The following SLC12A9 variants were observed in gnomAD, a reference collection of about 807,000 sequenced individuals.
SLC12A9 encodes the protein solute carrier family 12 member 9, also known as CCC-interacting protein 1.
SLC12A9 carries 55 observed loss-of-function variants against 66.0 expected under a neutral mutation model. The ratio of observed to expected loss-of-function variants is 0.83; its 90% CI spans 0.67 to 1.04. SLC12A9 has a LOEUF of 1.04. SLC12A9 is among the 50% of genes least tolerant of loss of function. SLC12A9 has a pLI of 0.00. For missense variants in SLC12A9, 1,061 were observed against 1,241.9 expected, an observed-to-expected ratio of 0.85 and a Z score of 2.19; for synonymous variants, 577 against 569.0, an observed-to-expected ratio of 1.01 and a Z score of -0.20.
chr7:100,840,864 CTT>C (rs905972095), intron 1 of SLC12A9, among the ~76,000 whole-genome samples: 1 of 152,114 alleles, frequency 6.6e-6, no homozygotes, highest in Admixed American at 6.6e-5. Context: ...TCCAATACCA[CTT>C]TGTTGTCAGT....
In SLC12A9 at chr7:100,861,727, C is replaced by T. The variant is rs1368459004; in HGVS notation, c.1537-10C>T. ...CTGCCACTTCCCCACTGCCTCACCC[C>T]TATACCCAGGTGCGTAAGTATCTGC... is the stretch of plus-strand genomic sequence containing the variant. On this transcript the variant is annotated splice_polypyrimidine_tract_variant and intron_variant, in intron 11 of 13. Transcript: ENST00000354161. This position sits in a 1 kb window ranked among gnomAD's most constrained non-coding sequence, Gnocchi z 5.3. The T allele has an allele frequency of 3.7e-5, 59 of 1,614,020 alleles. 2 individuals are homozygous for T. In the South Asian group the frequency reaches 5.7e-4, roughly 16 times the overall value.
intron 3 of SLC12A9, among the ~76,000 whole-genome samples, chr7:100,855,229 C>T (rs545261553): frequency 2.6e-5 from 4 of 152,296 alleles, no homozygotes; most frequent in African/African-American, 9.6e-5. Flanking sequence ...CTCAAGTGAT[C>T]CTCCTATCTC....
chr7:100,836,082 C>G (rs1409351870), intron 1 of SLC12A9, among the ~76,000 whole-genome samples: 5 of 152,188 alleles, frequency 3.3e-5, no homozygotes, highest in African/African-American at 1.2e-4. Context: ...GGATATGAGG[C>G]CAAGCCCCCC....
In SLC12A9 at chr7:100,844,637, GT is replaced by G. The variant is rs558554058; in HGVS notation, n.229-15247del. ...ATTAAAAAAAAATAAAAAGGACCCA[GT>G]CCACCTTCAGAAAGGAAAAAATGGC... On this transcript the variant is annotated intron_variant and non_coding_transcript_variant, in intron 1 of 1. Transcript: ENST00000461016. 2.0e-5 allele frequency among the ~76,000 whole-genome samples: 3 copies of G among 152,192 alleles called. No individual in the cohort carries two copies. The South Asian group carries it at 6.2e-4, about 32-fold the overall frequency.
rs1430158452 is a variant in SLC12A9, at chr7:100,854,688, G to T, written c.250G>T (p.Ala84Ser). 6.2e-7 allele frequency: 1 copy of T among 1,613,996 alleles called. No individual in the cohort carries two copies. The highest frequency in any genetic ancestry group is 8.5e-7 in the Non-Finnish European group (1 of 1,179,986). Residue 84 changes from alanine to serine, a missense_variant, in exon 3 of 14, where the codon GCA (alanine) becomes TCA (serine). By Grantham distance (99) the Ala-to-Ser change is moderately conservative. Transcript: ENST00000354161. Reference sequence around the variant, plus strand: ...GCTGCTGGTTGCCTACTTCATCCTGGCACTCACCGTCCTCTCTGTCTGTGC... The same window carrying T: ...GCTGCTGGTTGCCTACTTCATCCTGTCACTCACCGTCCTCTCTGTCTGTGC... ...AMLLVAYFIL[A>S]LTVLSVCAIA...
intron 1 of SLC12A9, among the ~76,000 whole-genome samples, chr7:100,834,073 A>C (rs1584675868): frequency 6.6e-6 from 1 of 152,068 alleles, no homozygotes; most frequent in East Asian, 1.9e-4. Flanking sequence ...CAGGTGGCTA[A>C]GCGCACAGCC....
intron 6 of SLC12A9, 47 bp downstream of exon 6, chr7:100,858,989 G>A (rs314374): frequency 4.3e-6 from 7 of 1,612,338 alleles, no homozygotes; most frequent in Admixed American, 3.3e-5. Context: ...GGCTGCCACC[G>A]TGAGGGACCC....
In SLC12A9 at chr7:100,856,674, G is replaced by T; in HGVS notation, c.449-194G>T. On this transcript the variant is annotated intron_variant, in intron 4 of 13. Transcript: ENST00000354161. ...ACTACAGGCATGCCTCCCCACACCT[G>T]GCTAATTTTGCAGTTTTTGTGGAGC... The T allele has an allele frequency of 1.7e-6, 1 of 579,614 alleles. No individual in the cohort carries two copies. 35.9% of individuals were successfully genotyped at this position (579,614 alleles called of 1,614,324 possible). A position where few individuals can be genotyped will look rare whatever the true frequency, so the allele number is the denominator to read the frequency against.
chr7:100,839,988 G>T (rs1275577165), intron 1 of SLC12A9, among the ~76,000 whole-genome samples: 1 of 151,252 alleles, frequency 6.6e-6, no homozygotes, highest in African/African-American at 2.4e-5. Context: ...CTGCATTTAA[G>T]TGGAAGCGTG....
intron 1 of SLC12A9, among the ~76,000 whole-genome samples, chr7:100,838,230 G>A (rs1813708812): frequency 6.6e-6 from 1 of 152,096 alleles, no homozygotes; most frequent in Non-Finnish European, 1.5e-5. Context: ...CACACTCCTG[G>A]GCTCAAGTGA....
chr7:100,828,753 C>CTG (rs1813482116), intron 1 of SLC12A9, among the ~76,000 whole-genome samples: 1 of 151,974 alleles, frequency 6.6e-6, no homozygotes, highest in South Asian at 2.1e-4. Context: ...CCTGGGGGCC[C>CTG]TCGGGATGGC....
chr7:100,842,302 A>G (rs367662906), intron 1 of SLC12A9, among the ~76,000 whole-genome samples: 2 of 152,310 alleles, frequency 1.3e-5, no homozygotes, highest in East Asian at 3.9e-4. Flanking sequence ...AGTTATTAAC[A>G]TAACCAAGTC....
rs1192839306 is a variant in SLC12A9 at position 100,854,681 on chromosome 7, C to T, written c.243C>T (p.Phe81=). 1 of 1,614,068 alleles carries T rather than the reference C, an allele frequency of 6.2e-7. No individual in the cohort carries two copies. Among genetic ancestry groups the T allele is most frequent in the Admixed American group, 1.7e-5 (1 of 60,006 alleles). Residue 81 remains phenylalanine (F), a synonymous_variant, in exon 3 of 14, where the codon TTC becomes TTT. Coordinates refer to ENST00000354161, the MANE Select transcript of SLC12A9 (RefSeq NM_020246.4). ...TGGCCATGCTGCTGGTTGCCTACTT[C>T]ATCCTGGCACTCACCGTCCTCTCTG... ...QALAMLLVAY[F]ILALTVLSVC...
rs778633195 is a variant in SLC12A9, at chr7:100,866,190, C to T, written c.2330C>T (p.Ala777Val). The change falls in exon 14 of 14, where the codon GCG becomes GTG. Residue 777 changes from alanine (A) to valine (V), a missense_variant. By Grantham distance (64) the Ala-to-Val change is moderately conservative. Coordinates refer to ENST00000354161, the MANE Select transcript of SLC12A9 (RefSeq NM_020246.4). This position sits in a 1 kb window ranked among gnomAD's most constrained non-coding sequence, Gnocchi z 7.3. ...TTCCTGTGCCTGGGGCCTCGGGAGGCGCCTGGGGCGGCCGAGGGGCGGCTG... is the reference window on the plus strand; with the variant it reads ...TTCCTGTGCCTGGGGCCTCGGGAGGTGCCTGGGGCGGCCGAGGGGCGGCTG... ...RIFLCLGPRE[A>V]PGAAEGRLRA... is the part of the protein sequence containing the mutation. 54 of 1,611,544 alleles carry T rather than the reference C, an allele frequency of 3.4e-5. No individual in the cohort carries two copies. Among genetic ancestry groups the T allele is most frequent in the Non-Finnish European group, 4.2e-5 (50 of 1,179,354 alleles).
Position 100,866,223 on chromosome 7 carries a change from T to C in SLC12A9, c.2363T>C (p.Leu788Pro). The C allele has an allele frequency of 6.2e-7, 1 of 1,608,024 alleles. No individual in the cohort carries two copies. Among genetic ancestry groups the C allele is most frequent in the South Asian group, 1.1e-5 (1 of 90,718 alleles). The change falls in exon 14 of 14, where the codon CTG (leucine) becomes CCG (proline). Residue 788 changes from leucine (L) to proline (P), a missense_variant. Coordinates refer to ENST00000354161, the MANE Select transcript of SLC12A9 (RefSeq NM_020246.4). This position sits in a 1 kb window ranked among gnomAD's most constrained non-coding sequence, Gnocchi z 7.3. Reference sequence around the variant, plus strand: ...GCGGCCGAGGGGCGGCTGCGGGCACTGCTGAGCCAACTGAGGATCCGGGCT... The same window carrying C: ...GCGGCCGAGGGGCGGCTGCGGGCACCGCTGAGCCAACTGAGGATCCGGGCT... ...PGAAEGRLRA[L>P]LSQLRIRAEV...
intron 5 of SLC12A9, 172 bp from the exon 6 acceptor site, chr7:100,858,663 G>A (rs1345611385): frequency 6.6e-6 from 4 of 602,048 alleles, no homozygotes; most frequent in South Asian, 3.9e-5. Flanking sequence ...CTGGGGGGAC[G>A]TGGCAATGTG....
intron 5 of SLC12A9, 130 bp from the exon 6 acceptor site, chr7:100,858,705 G>A: frequency 1.3e-6 from 1 of 794,018 alleles, no homozygotes; most frequent in Non-Finnish European, 2.1e-6. Flanking sequence ...GCAGGAACAG[G>A]CTGGGGTCTT....
rs1257194195 is a variant in SLC12A9, at chr7:100,854,671, T to C, written c.233T>C (p.Val78Ala). The change falls in exon 3 of 14, where the codon GTT becomes GCT. Residue 78 changes from valine to alanine, a missense_variant. Coordinates refer to ENST00000354161, the MANE Select transcript of SLC12A9 (RefSeq NM_020246.4). ...CTGCAGGCCCTGGCCATGCTGCTGG[T>C]TGCCTACTTCATCCTGGCACTCACC... ...GLLQALAMLL[V>A]AYFILALTVL... 2.5e-6 allele frequency: 4 copies of C among 1,613,924 alleles called. No homozygotes were observed. The highest frequency in any genetic ancestry group is 3.4e-6 in the Non-Finnish European group (4 of 1,180,006).
rs374942889 is a variant in SLC12A9 at position 100,859,169 on chromosome 7, G to A, written c.977+8G>A. 5.6e-5 allele frequency: 90 copies of A among 1,612,124 alleles called. No homozygotes were observed. The highest frequency in any genetic ancestry group is 7.6e-5 in the Non-Finnish European group (90 of 1,178,546). On this transcript the variant is annotated splice_region_variant and intron_variant, in intron 7 of 13. Coordinates refer to ENST00000354161, the MANE Select transcript of SLC12A9 (RefSeq NM_020246.4). Reference sequence around the variant, plus strand: ...CAGCTTCACTTGTGACAGGTGTCTGGGGAGGGATGGGGGTGGAGTGTCGAA... The same window carrying A: ...CAGCTTCACTTGTGACAGGTGTCTGAGGAGGGATGGGGGTGGAGTGTCGAA...
Sources: gnomAD v4.1 joint callset for allele counts (sites outside exome capture counted in the v4.1 genomes callset) on GRCh38, gnomAD v4.1.1 for gene constraint, Gnocchi (gnomAD v3.1) non-coding constraint, MANE v1.5 for transcripts, NCBI Gene and HGNC (gene_info 2026-07-23, HGNC 2026-07-21) for gene names.